Variants in HMCN1 observed in about 807,000 individuals in gnomAD.
The protein encoded by HMCN1 is hemicentin 1.
HMCN1 carries 321 observed loss-of-function variants against 625.9 expected under a neutral mutation model. The ratio of observed to expected loss-of-function variants is 0.51; its 90% CI spans 0.47 to 0.56. HMCN1 has a LOEUF of 0.56. Ranked by LOEUF, HMCN1 falls within the 20% of genes least tolerant of loss-of-function variation. The pLI is 0.00. For missense variants in HMCN1, 6,588 were observed against 6,887.3 expected, an observed-to-expected ratio of 0.96 and a Z score of 1.54; for synonymous variants, 2,425 against 2,417.6, an observed-to-expected ratio of 1.00 and a Z score of -0.09.
intron 4 of HMCN1, among the ~76,000 whole-genome samples, chr1:185,881,613 T>C (rs1664316185): frequency 6.6e-6 from 1 of 152,154 alleles, no homozygotes; most frequent in African/African-American, 2.4e-5. Flanking sequence ...CTTTTTGGCT[T>C]GGGATTTTTG....
At chr1:185,877,317 CTTTCTTTTTTTTTTTTTTTTT>C (rs1664009823) in intron 4 of HMCN1, among the ~76,000 whole-genome samples, 1 of 42,720 alleles carries the variant, frequency 2.3e-5, no homozygotes, top group African/African-American at 7.7e-5. Flanking sequence ...ATCTATGTGT[CTTTCTTTTTTTTTTTTTTTTT>C]TTTTTTTTTT....
chr1:186,150,202 A>G (rs1156795056), intron 93 of HMCN1, among the ~76,000 whole-genome samples: 1 of 152,214 alleles, frequency 6.6e-6, no homozygotes, highest in Admixed American at 6.5e-5. Flanking sequence ...CTTGTACATA[A>G]CAGTATCTGA....
chr1:185,865,935 GA>G (rs1157961514), intron 4 of HMCN1, 72 bp downstream of exon 4: 1 of 1,506,404 alleles, frequency 6.6e-7, no homozygotes, highest in African/African-American at 1.4e-5. Flanking sequence ...GCCTAATTAT[GA>G]CAGATTTGAT....
intron 1 of HMCN1, among the ~76,000 whole-genome samples, chr1:185,795,802 T>G (rs2102211706): frequency 6.6e-6 from 1 of 152,356 alleles, no homozygotes; most frequent in Middle Eastern, 3.4e-3. Flanking sequence ...GTAATTTCAA[T>G]GATGAAGGCC....
chr1:186,089,962 A>G (rs1659746115), intron 63 of HMCN1, among the ~76,000 whole-genome samples: 1 of 151,934 alleles, frequency 6.6e-6, no homozygotes, highest in African/African-American at 2.4e-5. Flanking sequence ...ATTGTTTGCC[A>G]GTCTCCATGG....
Position 186,190,019 on chromosome 1 carries a change from T to C in HMCN1, c.*141T>C. 1.1e-6 allele frequency: 1 copy of C among 923,020 alleles called. No individual in the cohort carries two copies. The highest frequency in any genetic ancestry group is 1.8e-5 in the Admixed American group (1 of 56,442). 57.2% of individuals were successfully genotyped at this position (923,020 alleles called of 1,614,324 possible). ...TACACTCTGTTTTGTGTGCCTTCCT[T>C]GGTACTTCTGAGGTATTTTCATGAT... On this transcript the variant is annotated 3_prime_UTR_variant, in exon 107 of 107. Transcript: ENST00000271588.
At chr1:185,982,442 T>C in intron 18 of HMCN1, 53 bp downstream of exon 18, 1 of 591,018 alleles carries the variant, frequency 1.7e-6, no homozygotes, top group Non-Finnish European at 2.6e-6. Flanking sequence ...TTTTCTTTTC[T>C]TTTTTTTTTT....
intron 4 of HMCN1, among the ~76,000 whole-genome samples, chr1:185,882,541 A>T (rs2102393652): frequency 6.6e-6 from 1 of 152,166 alleles, no homozygotes; most frequent in Non-Finnish European, 1.5e-5. Context: ...AAAAACATTG[A>T]TATGGGTAGT....
In HMCN1 at chr1:186,087,913, T is replaced by C. The variant is rs1222262339; in HGVS notation, c.9364-19T>C. ...CTATAACTTAATGGAGCACATACAA[T>C]AGTATCTTTTTCTTTTAGGTATCTG... On this transcript the variant is annotated intron_variant, in intron 60 of 106. Coordinates refer to ENST00000271588, the MANE Select transcript of HMCN1 (RefSeq NM_031935.3). 1.9e-6 allele frequency: 3 copies of C among 1,592,728 alleles called. No individual in the cohort carries two copies. The African/African-American group carries it at 4.0e-5, about 21-fold the overall frequency.
At chr1:185,767,317 T>G (rs927664927) in intron 1 of HMCN1, among the ~76,000 whole-genome samples, 5 of 152,206 alleles carry the variant, frequency 3.3e-5, no homozygotes, top group African/African-American at 1.2e-4. Flanking sequence ...AGGCATGATA[T>G]TGATCTCAAT....
chr1:185,932,445 T>C (rs375409251), intron 10 of HMCN1, among the ~76,000 whole-genome samples: 79 of 152,202 alleles, frequency 5.2e-4, no homozygotes, highest in African/African-American at 1.9e-3. Context: ...CACACTTTCA[T>C]ATTAAACTAA....
chr1:185,992,319 T>A (rs531001019), intron 22 of HMCN1, among the ~76,000 whole-genome samples: 2 of 152,318 alleles, frequency 1.3e-5, no homozygotes, highest in African/African-American at 4.8e-5. Context: ...ACTTTTTGTA[T>A]CTTAACATGA....
intron 31 of HMCN1, 42 bp downstream of exon 31, chr1:186,015,479 A>T (rs1654308106): frequency 6.4e-7 from 1 of 1,573,962 alleles, no homozygotes; most frequent in East Asian, 2.2e-5. Flanking sequence ...CTTTCTACCT[A>T]TGCTTTCTAA....
rs781473485 is a variant in HMCN1, at chr1:185,994,964, G to T, written c.3655G>T (p.Val1219Phe). The T allele has an allele frequency of 6.2e-7, 1 of 1,613,922 alleles. No individual in the cohort carries two copies. The highest frequency in any genetic ancestry group is 8.5e-7 in the Non-Finnish European group (1 of 1,179,860). ...STMLVDGEHH[V>F]SNPDGTLSID... ...TATGCTGGTTGATGGAGAGCACCAT[G>T]TTAGCAATCCAGACGGAACTTTAAG... Residue 1219 changes from valine (V) to phenylalanine (F), a missense_variant, in exon 24 of 107, where the codon GTT (valine) becomes TTT (phenylalanine). Val to Phe is a conservative substitution (Grantham distance 50). Transcript: ENST00000271588.
chr1:186,118,574 A>T (rs572483454), intron 77 of HMCN1, among the ~76,000 whole-genome samples: 9 of 152,356 alleles, frequency 5.9e-5, no homozygotes, highest in African/African-American at 2.2e-4. Flanking sequence ...AGCATCATTC[A>T]CAATAGCCAA....
intron 28 of HMCN1, among the ~76,000 whole-genome samples, chr1:186,003,471 A>G (rs1285747491): frequency 6.6e-6 from 1 of 152,168 alleles, no homozygotes; most frequent in Non-Finnish European, 1.5e-5. Flanking sequence ...CCCAAAAATG[A>G]ACCCTATACT....
At chr1:186,111,319 C>G (rs1479138670) in intron 71 of HMCN1, among the ~76,000 whole-genome samples, 16 of 152,008 alleles carry the variant, frequency 1.1e-4, no homozygotes, top group Non-Finnish European at 1.6e-4. Flanking sequence ...AATAAGTTAG[C>G]AGAAAGTACT....
intron 1 of HMCN1, among the ~76,000 whole-genome samples, chr1:185,738,779 A>T (rs1653773934): frequency 6.6e-6 from 1 of 152,214 alleles, no homozygotes; most frequent in African/African-American, 2.4e-5. Context: ...TAGATTTATA[A>T]AGCTCTTCTT....
chr1:186,166,891 G>A lies in HMCN1; in HGVS notation c.15523G>A (p.Val5175Ile), dbSNP rs777607843. 1 of 1,614,136 alleles carries A rather than the reference G, an allele frequency of 6.2e-7. No individual in the cohort carries two copies. Among genetic ancestry groups the A allele is most frequent in the Non-Finnish European group, 8.5e-7 (1 of 1,180,004 alleles). Residue 5175 changes from valine to isoleucine, a missense_variant, in exon 100 of 107, where the codon GTC becomes ATC. Around this residue, in one of 3 missense-constraint regions of HMCN1, gnomAD observed 1,954 missense variants for 2,013.1 expected, o/e 0.97. Transcript: ENST00000271588. ...DNTIGSYRCVVRCGSGFRRTS... is the reference protein window; with the variant it reads ...DNTIGSYRCVIRCGSGFRRTS... ...TACGATTGGATCTTATCGCTGTGTGGTCCGTTGTGGAAGTGGCTTTCGAAG... is the reference window on the plus strand; with the variant it reads ...TACGATTGGATCTTATCGCTGTGTGATCCGTTGTGGAAGTGGCTTTCGAAG...
Sources: allele counts gnomAD v4.1 joint callset (sites outside exome capture counted in the v4.1 genomes callset), GRCh38; gene constraint gnomAD v4.1.1; regional missense constraint gnomAD v4.1.1; transcripts MANE v1.5; gene names NCBI Gene and HGNC (gene_info 2026-07-23, HGNC 2026-07-21).